The following GCSAML variants were observed in gnomAD, a reference collection of about 807,000 sequenced individuals.
The protein encoded by GCSAML is germinal center associated signaling and motility like.
In GCSAML, 9 loss-of-function variants were observed where a neutral mutation model predicts 13.0. The observed-to-expected ratio is 0.69, with a 90% CI of 0.42 to 1.21. The LOEUF (loss-of-function observed/expected upper bound fraction) is 1.21, where lower values mean the gene tolerates loss of function less well. Among genes scored for constraint, GCSAML ranks in the 50% most tolerant of loss-of-function variants. The pLI, the probability that GCSAML is intolerant of heterozygous loss-of-function variation, is 0.00. For missense variants in GCSAML, 143 were observed against 153.4 expected (o/e 0.93, Z 0.36); for synonymous variants, 37 against 52.9 (o/e 0.70, Z 1.31).
chr1:247,514,216 T>C (rs546499952), intron 1 of GCSAML, among the ~76,000 whole-genome samples: 2 of 152,298 alleles, frequency 1.3e-5, no homozygotes, highest in Admixed American at 6.5e-5. Context: ...CTTGACCTCA[T>C]GATCTGCCCA....
At chr1:247,563,444 G>A in intron 2 of GCSAML, 146 bp from the exon 3 acceptor site, 1 of 524,080 alleles carries the variant, frequency 1.9e-6, no homozygotes. Flanking sequence ...AAAGGCTGGA[G>A]TAAGCAGCCT....
chr1:247,531,355 A>G, intron 2 of GCSAML: 2 of 617,652 alleles, frequency 3.2e-6, no homozygotes, highest in Non-Finnish European at 5.6e-6. Context: ...GCAATTGAAC[A>G]AAACTATGAT....
chr1:247,513,049 A>G (rs1666095069), intron 1 of GCSAML, among the ~76,000 whole-genome samples: 1 of 152,128 alleles, frequency 6.6e-6, no homozygotes, highest in South Asian at 2.1e-4. Flanking sequence ...GTGTTGGGAG[A>G]TCCATTGCTC....
intron 2 of GCSAML, chr1:247,530,804 CCGCCTCTGGACCGCCT>C (rs1666907911): frequency 6.5e-6 from 1 of 152,720 alleles, no homozygotes; most frequent in Non-Finnish European, 1.5e-5. Flanking sequence ...GACCTGCCGG[CCGCCTCTGGACCGCCT>C]TCCTCGCCCT....
intron 1 of GCSAML, among the ~76,000 whole-genome samples, chr1:247,556,108 T>A (rs2103044667): frequency 6.6e-6 from 1 of 152,296 alleles, no homozygotes; most frequent in South Asian, 2.1e-4. Flanking sequence ...TATAGCTTCC[T>A]GGGAGCTCTC....
At chr1:247,532,727 G>T in intron 2 of GCSAML, 1 of 567,390 alleles carries the variant, frequency 1.8e-6, no homozygotes, top group African/African-American at 1.9e-5. Context: ...TTCCTTGGTA[G>T]GTTGAGAATA....
chr1:247,521,844 G>A (rs976735647), intron 1 of GCSAML, among the ~76,000 whole-genome samples: 4 of 151,306 alleles, frequency 2.6e-5, no homozygotes, highest in East Asian at 4.0e-4. Flanking sequence ...GCTGCCCATC[G>A]TCTGGGATGT....
chr1:247,574,624 G>A lies in GCSAML; in HGVS notation c.*242G>A. The A allele has an allele frequency of 2.1e-6, 1 of 475,260 alleles. No individual in the cohort carries two copies. Among genetic ancestry groups the A allele is most frequent in the Non-Finnish European group, 3.7e-6 (1 of 273,548 alleles). 29.4% of individuals were successfully genotyped at this position (475,260 alleles called of 1,614,324 possible). ...ATGTGTTTTTGCTTGTAAAGTTTGAGGACATGGAGGTGATAAAAAAAACTT... is the reference window on the plus strand; with the variant it reads ...ATGTGTTTTTGCTTGTAAAGTTTGAAGACATGGAGGTGATAAAAAAAACTT... On this transcript the variant is annotated 3_prime_UTR_variant, in exon 5 of 5. Transcript: ENST00000366488.
At chr1:247,507,429 C>T (rs1413179183) in intron 1 of GCSAML, among the ~76,000 whole-genome samples, 1 of 152,142 alleles carries the variant, frequency 6.6e-6, no homozygotes, top group African/African-American at 2.4e-5. Flanking sequence ...GAAAGGCCTT[C>T]ATAATTTTGT....
chr1:247,565,810 G>T, intron 3 of GCSAML, 121 bp from the exon 4 acceptor site: 1 of 694,266 alleles, frequency 1.4e-6, no homozygotes, highest in Non-Finnish European at 2.4e-6. Flanking sequence ...TAGATAATAG[G>T]CCTCTGCAGT....
At chr1:247,532,002 A>G in intron 2 of GCSAML, 1 of 1,614,118 alleles carries the variant, frequency 6.2e-7, no homozygotes, top group East Asian at 2.2e-5. Context: ...AATTGTTCCC[A>G]CACAGCGGTA....
At chr1:247,542,466 AG>A (rs896389222) in intron 2 of GCSAML, among the ~76,000 whole-genome samples, 2 of 152,228 alleles carry the variant, frequency 1.3e-5, no homozygotes, top group African/African-American at 4.8e-5. Flanking sequence ...CAGTTCTTGT[AG>A]GTATATTTTG....
chr1:247,522,329 T>C (rs1666479345), intron 1 of GCSAML, among the ~76,000 whole-genome samples: 1 of 146,256 alleles, frequency 6.8e-6, no homozygotes, highest in African/African-American at 2.5e-5. Context: ...CCGCCCCGTC[T>C]GGGAGGTGGG....
chr1:247,537,304 A>C (rs545550497), intron 2 of GCSAML, among the ~76,000 whole-genome samples: 25 of 152,298 alleles, frequency 1.6e-4, no homozygotes, highest in African/African-American at 5.8e-4. Flanking sequence ...TCAGTACTTC[A>C]TTCTCTTTTA....
upstream of GCSAML, among the ~76,000 whole-genome samples, chr1:247,544,192 T>G (rs1016662519): frequency 6.6e-5 from 10 of 152,162 alleles, no homozygotes; most frequent in African/African-American, 2.4e-4. Context: ...AAATTTTGCA[T>G]GCTTGGAAGG....
chr1:247,544,845 C>T (rs1044480160), upstream of GCSAML, among the ~76,000 whole-genome samples: 2 of 152,076 alleles, frequency 1.3e-5, no homozygotes, highest in African/African-American at 2.4e-5. Context: ...CAGAGCAGGA[C>T]CTGTCTTAAA....
chr1:247,519,440 A>G (rs1306438536), intron 1 of GCSAML: 1 of 152,198 alleles, frequency 6.6e-6, no homozygotes, highest in Non-Finnish European at 1.5e-5. Context: ...TTGTTCCCAC[A>G]GGCCTTTTTG....
At chr1:247,552,587 T>C (rs1004876323) in intron 1 of GCSAML, among the ~76,000 whole-genome samples, 4 of 152,258 alleles carry the variant, frequency 2.6e-5, no homozygotes, top group Non-Finnish European at 5.9e-5. Flanking sequence ...CTTTAGTCTT[T>C]ATTTCAAAAT....
Position 247,527,323 on chromosome 1 carries a change from ACT to A in GCSAML, c.-148+271_-148+272del. The A allele has an allele frequency of 8.5e-6, 2 of 235,466 alleles. No individual in the cohort carries two copies. 14.6% of individuals were successfully genotyped at this position (235,466 alleles called of 1,614,324 possible). On this transcript the variant is annotated intron_variant, in intron 2 of 5. Coordinates refer to the GCSAML transcript ENST00000366489. This position sits in a 1 kb window ranked among gnomAD's most constrained non-coding sequence, Gnocchi z 4.6. ...CCCACATAAACTGATGAGGACCTGC[ACT>A]CCTGTCCTGAGTTGACACCCAGCCT...
Sources: allele counts gnomAD v4.1 joint callset (sites outside exome capture counted in the v4.1 genomes callset), GRCh38; gene constraint gnomAD v4.1.1; non-coding constraint Gnocchi (gnomAD v3.1); transcripts MANE v1.5; gene names NCBI Gene and HGNC (gene_info 2026-07-23, HGNC 2026-07-21).